Variants in STK33 observed in about 807,000 individuals in gnomAD.
STK33 encodes the protein serine/threonine kinase 33, also known as serine/threonine-protein kinase 33.
A neutral mutation model predicts 58.0 loss-of-function variants in STK33; 52 were observed. The observed-to-expected ratio is 0.90, with a 90% CI of 0.72 to 1.13. The LOEUF is 1.13. STK33 is among the 50% of genes most tolerant of loss of function. The pLI is 0.00. For missense variants in STK33, 630 were observed against 604.2 expected, an observed-to-expected ratio of 1.04 and a Z score of -0.45; for synonymous variants, 215 against 200.1, an observed-to-expected ratio of 1.07 and a Z score of -0.63.
At chr11:8,402,874 G>A (rs12418879) in intron 15 of STK33, among the ~76,000 whole-genome samples, 6,712 of 152,222 alleles carry the variant, frequency 0.044, 175 homozygotes, top group East Asian at 0.08. Context: ...TAAGTTTTGC[G>A]TTTCTCCTTT....
At chr11:8,414,577 CT>C (rs1444192865) in intron 14 of STK33, among the ~76,000 whole-genome samples, 1 of 152,044 alleles carries the variant, frequency 6.6e-6, no homozygotes, top group Non-Finnish European at 1.5e-5. Flanking sequence ...AGACAGGGTA[CT>C]TTAGGGGTAC....
At chr11:8,422,492 T>C (rs1167400657) in intron 14 of STK33, among the ~76,000 whole-genome samples, 2 of 152,248 alleles carry the variant, frequency 1.3e-5, no homozygotes, top group East Asian at 3.9e-4. Context: ...TAGGAAAATT[T>C]TTCTCTTTTG....
intron 1 of STK33, among the ~76,000 whole-genome samples, chr11:8,547,544 G>T (rs1488940926): frequency 2.6e-5 from 4 of 152,092 alleles, no homozygotes; most frequent in Admixed American, 1.3e-4. Flanking sequence ...AGTTATTCAG[G>T]TCATTTGCTC....
intron 1 of STK33, among the ~76,000 whole-genome samples, chr11:8,516,152 G>C (rs944314253): frequency 1.3e-5 from 2 of 152,098 alleles, no homozygotes; most frequent in African/African-American, 4.8e-5. Flanking sequence ...TCCTGATTTG[G>C]AAATATATTA....
At chr11:8,365,853 A>G in the STK33 span, among the ~76,000 whole-genome samples, 1 of 151,310 alleles carries the variant, frequency 6.6e-6, no homozygotes, top group African/African-American at 2.4e-5. Context: ...CTTCCACCCC[A>G]CAGAGTCCTG....
chr11:8,557,539 A>T (rs1464558551), intron 1 of STK33, among the ~76,000 whole-genome samples: 8 of 152,138 alleles, frequency 5.3e-5, no homozygotes, highest in African/African-American at 9.7e-5. Context: ...TCATATTTTT[A>T]CAGAAATAAT....
At chr11:8,348,186 C>T in the STK33 span, among the ~76,000 whole-genome samples, 3 of 152,202 alleles carry the variant, frequency 2.0e-5, no homozygotes, top group Admixed American at 6.5e-5. Flanking sequence ...ACTTCCTCTT[C>T]CTGCAAGGGG....
chr11:8,529,100 T>C (rs1175228789), intron 1 of STK33, among the ~76,000 whole-genome samples: 5 of 152,202 alleles, frequency 3.3e-5, no homozygotes, highest in Non-Finnish European at 4.4e-5. Flanking sequence ...ATCCCAACAG[T>C]CTGATTCCGT....
chr11:8,557,452 A>T (rs1480649179), intron 1 of STK33, among the ~76,000 whole-genome samples: 3 of 151,996 alleles, frequency 2.0e-5, no homozygotes, highest in East Asian at 3.9e-4. Flanking sequence ...TACGTGCCAA[A>T]ATCAGAATAA....
intron 1 of STK33, among the ~76,000 whole-genome samples, chr11:8,550,198 C>A (rs1365562920): frequency 6.6e-6 from 1 of 152,120 alleles, no homozygotes; most frequent in African/African-American, 2.4e-5. Context: ...TACAAAAATA[C>A]TTCTGTTTGA....
chr11:8,353,441 T>G, the STK33 span, among the ~76,000 whole-genome samples: 3 of 152,232 alleles, frequency 2.0e-5, no homozygotes, highest in African/African-American at 7.2e-5. Context: ...GCTGCCTCCC[T>G]TGGGGGACAA....
At chr11:8,405,612 T>C (rs1938993871) in intron 15 of STK33, among the ~76,000 whole-genome samples, 1 of 152,324 alleles carries the variant, frequency 6.6e-6, no homozygotes, top group South Asian at 2.1e-4. Flanking sequence ...TGTGTCTATG[T>C]TCTAAGAATC....
At chr11:8,563,020 T>C (rs1035372708) in intron 1 of STK33, among the ~76,000 whole-genome samples, 1 of 152,140 alleles carries the variant, frequency 6.6e-6, no homozygotes, top group African/African-American at 2.4e-5. Context: ...CTAAAGAATC[T>C]CTGAGTTGCT....
chr11:8,437,834 G>A (rs949135845), intron 12 of STK33, among the ~76,000 whole-genome samples: 3 of 152,014 alleles, frequency 2.0e-5, no homozygotes, highest in African/African-American at 4.8e-5. Flanking sequence ...TTCTTACTAA[G>A]TATTTATCAG....
Position 8,507,860 on chromosome 11 carries a change from A to G in STK33, c.-465-27246T>C, listed in dbSNP as rs115965440. Among the ~76,000 whole-genome samples the G allele has an allele frequency of 4.7e-3, 714 of 152,076 alleles. 1 individual carries two copies. The highest frequency in any genetic ancestry group is 7.5e-3 in the Non-Finnish European group (507 of 67,964). On this transcript the variant is annotated intron_variant, in intron 1 of 15. Coordinates refer to ENST00000687296, the MANE Select transcript of STK33 (RefSeq NM_001352389.2). ...TTTGACCTGATCTACAATAACAAATACCTTGTTTTTACTTTGTTTTGTTTT... is the reference window on the plus strand; with the variant it reads ...TTTGACCTGATCTACAATAACAAATGCCTTGTTTTTACTTTGTTTTGTTTT...
intron 11 of STK33, among the ~76,000 whole-genome samples, chr11:8,443,228 T>C (rs998989550): frequency 3.9e-5 from 6 of 152,190 alleles, no homozygotes; most frequent in African/African-American, 1.4e-4. Flanking sequence ...ATATGGAAGA[T>C]CTGAATCACA....
intron 1 of STK33, among the ~76,000 whole-genome samples, chr11:8,574,010 C>T (rs1247124780): frequency 1.3e-5 from 2 of 152,122 alleles, no homozygotes; most frequent in South Asian, 2.1e-4. Context: ...ACACAAAGTT[C>T]GTGGTTACAC....
rs143470861 is a variant in STK33 at position 8,583,518 on chromosome 11, T to A, written c.-466+10565A>T. 1.6e-4 allele frequency among the ~76,000 whole-genome samples: 25 copies of A among 152,222 alleles called. No individual in the cohort carries two copies. In the East Asian group the frequency reaches 4.6e-3, roughly 28 times the overall value. The stretch of plus-strand genomic sequence containing the variant: ...GAACAGAAAATATAAATCAATGCTA[T>A]CAAAGACAATGATAAGAAAGATACG... On this transcript the variant is annotated intron_variant, in intron 1 of 15. Transcript: ENST00000687296.
intron 1 of STK33, among the ~76,000 whole-genome samples, chr11:8,557,068 T>G (rs553081447): frequency 6.6e-6 from 1 of 151,330 alleles, no homozygotes; most frequent in East Asian, 2.0e-4. Flanking sequence ...CTGGGCAACA[T>G]AGTGAGACCT....
Sources: allele counts gnomAD v4.1 joint callset (sites outside exome capture counted in the v4.1 genomes callset), GRCh38; gene constraint gnomAD v4.1.1; transcripts MANE v1.5; gene names NCBI Gene and HGNC (gene_info 2026-07-23, HGNC 2026-07-21).